The following ATXN1 variants were observed in gnomAD, a reference collection of about 807,000 sequenced individuals.
ATXN1 encodes ataxin-1.
A neutral mutation model predicts 56.4 loss-of-function variants in ATXN1; 8 were observed. That is an observed-to-expected ratio of 0.14 (90% CI 0.08 to 0.26). The LOEUF is 0.26. Ranked by LOEUF, ATXN1 falls within the 10% of genes least tolerant of loss-of-function variation. The pLI, the probability that ATXN1 is intolerant of heterozygous loss-of-function variation, is 1.00. For missense variants in ATXN1, 987 were observed against 1,106.5 expected (o/e 0.89, Z 1.53); for synonymous variants, 514 against 494.6 (o/e 1.04, Z -0.52).
intron 5 of ATXN1, among the ~76,000 whole-genome samples, chr6:16,500,760 A>C (rs1444609229): frequency 1.4e-5 from 2 of 140,526 alleles, no homozygotes; most frequent in African/African-American, 2.8e-5. Context: ...AAAAAAAAAA[A>C]CATTGAGGAA....
At chr6:16,651,379 C>T (rs771155592) in intron 3 of ATXN1, among the ~76,000 whole-genome samples, 36 of 152,180 alleles carry the variant, frequency 2.4e-4, no homozygotes, top group Middle Eastern at 6.8e-3. Flanking sequence ...CCCATCTCTA[C>T]CAAAAATACA....
At chr6:16,648,063 G>A (rs1003307144) in intron 3 of ATXN1, among the ~76,000 whole-genome samples, 9 of 152,124 alleles carry the variant, frequency 5.9e-5, no homozygotes, top group Non-Finnish European at 1.3e-4. Flanking sequence ...CAACAAGAAC[G>A]AAACTCCATC....
In ATXN1 at chr6:16,326,346, G is replaced by C; in HGVS notation, c.1917+48C>G. 6.3e-7 allele frequency: 1 copy of C among 1,598,554 alleles called. No individual in the cohort carries two copies. The highest frequency in any genetic ancestry group is 8.5e-7 in the Non-Finnish European group (1 of 1,172,154). On this transcript the variant is annotated intron_variant, in intron 7 of 7. Coordinates refer to ENST00000436367, the MANE Select transcript of ATXN1 (RefSeq NM_001128164.2). The surrounding 1 kb of genome is among the most constrained non-coding windows in gnomAD (Gnocchi z 6.6). ...TTCGTCTTGCCAGGAGATGATGATG[G>C]CATCACGGTGTGGTGTCCCATCCCT...
chr6:16,355,199 G>C (rs184308478), intron 6 of ATXN1, among the ~76,000 whole-genome samples: 23 of 152,292 alleles, frequency 1.5e-4, no homozygotes, highest in African/African-American at 5.1e-4. Flanking sequence ...GCTTCAGTTT[G>C]CTGAGAGCAG....
intron 4 of ATXN1, among the ~76,000 whole-genome samples, chr6:16,563,390 A>T (rs1222518630): frequency 6.6e-6 from 1 of 152,090 alleles, no homozygotes; most frequent in Non-Finnish European, 1.5e-5. Flanking sequence ...TGGTGCCTGG[A>T]AAGGAATGCA....
chr6:16,703,393 A>G (rs1759331774), intron 2 of ATXN1, among the ~76,000 whole-genome samples: 1 of 152,188 alleles, frequency 6.6e-6, no homozygotes, highest in Non-Finnish European at 1.5e-5. Flanking sequence ...TGACGATTTA[A>G]TGGGTGCAGT....
intron 2 of ATXN1, among the ~76,000 whole-genome samples, chr6:16,722,149 G>A (rs935153473): frequency 1.3e-5 from 2 of 152,198 alleles, no homozygotes; most frequent in African/African-American, 2.4e-5. Flanking sequence ...AACTGATGTT[G>A]AGGAAATGAA....
rs575195629 is a variant in ATXN1 at position 16,656,711 on chromosome 6, C to T, written c.-489+1065G>A. The stretch of plus-strand genomic sequence containing the variant: ...CACCTTGCCCATCACAATAGTCATG[C>T]ATCATTTAATGACAGGGATATGCTC... On this transcript the variant is annotated intron_variant, in intron 3 of 7. Coordinates refer to ENST00000436367, the MANE Select transcript of ATXN1 (RefSeq NM_001128164.2). Among the ~76,000 whole-genome samples the T allele has an allele frequency of 1.1e-4, 16 of 152,258 alleles. No homozygotes were observed. The South Asian group carries it at 3.3e-3, about 32-fold the overall frequency.
chr6:16,322,159 G>A (rs1760669985), intron 7 of ATXN1, among the ~76,000 whole-genome samples: 1 of 152,178 alleles, frequency 6.6e-6, no homozygotes, highest in South Asian at 2.1e-4. Flanking sequence ...AGGAGGTTGA[G>A]GCTGCAGTGA....
chr6:16,712,408 G>A (rs1306537413), intron 2 of ATXN1, among the ~76,000 whole-genome samples: 2 of 152,116 alleles, frequency 1.3e-5, no homozygotes, highest in East Asian at 1.9e-4. Context: ...AGTGAGAAAC[G>A]CCTAAGGCAG....
chr6:16,530,897 TA>T (rs1761491248), intron 4 of ATXN1, among the ~76,000 whole-genome samples: 2 of 152,238 alleles, frequency 1.3e-5, no homozygotes, highest in African/African-American at 4.8e-5. Flanking sequence ...ATGCTTATTA[TA>T]CATAATTTTT....
chr6:16,396,135 T>C (rs1758454307), intron 6 of ATXN1, among the ~76,000 whole-genome samples: 1 of 151,792 alleles, frequency 6.6e-6, no homozygotes, highest in Non-Finnish European at 1.5e-5. Flanking sequence ...ATTCATGGTA[T>C]TGCCTCTGAA....
At chr6:16,548,377 A>G (rs113794735) in intron 4 of ATXN1, among the ~76,000 whole-genome samples, 14 of 152,308 alleles carry the variant, frequency 9.2e-5, no homozygotes, top group African/African-American at 3.1e-4. Context: ...CAGACTTTAT[A>G]AACACTGTAT....
chr6:16,312,847 C>G (rs796103305), intron 7 of ATXN1, among the ~76,000 whole-genome samples: 1 of 152,080 alleles, frequency 6.6e-6, no homozygotes, highest in Non-Finnish European at 1.5e-5. Flanking sequence ...AACCCTCCAA[C>G]CAGCCTAAAA....
chr6:16,359,200 G>T (rs1761756032), intron 6 of ATXN1, among the ~76,000 whole-genome samples: 3 of 152,362 alleles, frequency 2.0e-5, no homozygotes, highest in African/African-American at 7.2e-5. Flanking sequence ...GAAAAGAGGG[G>T]AGTCCCCAAT....
intron 1 of ATXN1, 105 bp from the exon 2 acceptor site, chr6:16,753,452 A>G: frequency 2.4e-6 from 1 of 419,994 alleles, no homozygotes; most frequent in East Asian, 7.1e-5. Context: ...CGAAATACAA[A>G]TTTTAAGAAC....
At chr6:16,527,753 CAG>C (rs1225478452) in intron 4 of ATXN1, among the ~76,000 whole-genome samples, 1 of 152,148 alleles carries the variant, frequency 6.6e-6, no homozygotes, top group Non-Finnish European at 1.5e-5. Context: ...TGGATGGAGT[CAG>C]AGAGAGCATT....
intron 6 of ATXN1, among the ~76,000 whole-genome samples, chr6:16,358,329 G>A (rs1241841468): frequency 2.6e-5 from 4 of 152,062 alleles, no homozygotes; most frequent in Non-Finnish European, 4.4e-5. Context: ...CAGAGGAGAC[G>A]TCTTATGAAA....
chr6:16,346,587 T>C (rs1467077563), intron 6 of ATXN1, among the ~76,000 whole-genome samples: 3 of 152,254 alleles, frequency 2.0e-5, no homozygotes, highest in Non-Finnish European at 4.4e-5. Context: ...TTCAGTGTCA[T>C]GTTAGACCGG....
Sources: gnomAD v4.1 joint callset for allele counts (sites outside exome capture counted in the v4.1 genomes callset) on GRCh38, gnomAD v4.1.1 for gene constraint, Gnocchi (gnomAD v3.1) non-coding constraint, MANE v1.5 for transcripts, NCBI Gene and HGNC (gene_info 2026-07-23, HGNC 2026-07-21) for gene names.